CD300LD: variants seen among roughly 807,000 people sequenced by gnomAD.
CD300LD encodes CD300 molecule like family member d.
Under a neutral mutation model 20.3 loss-of-function variants are expected in CD300LD, and 18 were observed. That is an observed-to-expected ratio of 0.89 (90% CI 0.61 to 1.32). The LOEUF is 1.32. Ranked by LOEUF, CD300LD falls within the 40% of genes most tolerant of loss-of-function variation. The pLI, the probability that CD300LD is intolerant of heterozygous loss-of-function variation, is 0.00. For missense variants in CD300LD, 195 were observed against 226.6 expected, an observed-to-expected ratio of 0.86 and a Z score of 0.90; for synonymous variants, 104 against 90.1, an observed-to-expected ratio of 1.15 and a Z score of -0.87.
At position 74,579,911 on chromosome 17, in the gene CD300LD, A is replaced by C. The variant is rs1446732922; in HGVS notation, c.*91T>G. On this transcript the variant is annotated 3_prime_UTR_variant, in exon 4 of 4. Coordinates refer to ENST00000375352, the MANE Select transcript of CD300LD (RefSeq NM_001115152.2). ...AGAAAGAAAAAAAGAAGAGAAAAGAAAATGTTTTTTCTTCTGTGGGAGGGC... is the reference window on the plus strand; with the variant it reads ...AGAAAGAAAAAAAGAAGAGAAAAGACAATGTTTTTTCTTCTGTGGGAGGGC... The C allele has an allele frequency of 8.3e-6, 6 of 726,780 alleles. No individual in the cohort carries two copies. The highest frequency in any genetic ancestry group is 1.8e-5 in the African/African-American group (1 of 55,730). 45.0% of individuals were successfully genotyped at this position (726,780 alleles called of 1,614,324 possible). A position where few individuals can be genotyped will look rare whatever the true frequency, so the allele number is the denominator to read the frequency against.
intron 2 of CD300LD, among the ~76,000 whole-genome samples, chr17:74,583,173 C>A (rs1298938808): frequency 2.0e-5 from 3 of 152,120 alleles, no homozygotes; most frequent in Non-Finnish European, 2.9e-5. Context: ...GTGTTAGGGA[C>A]TGAACTGTGG....
At chr17:74,587,922 G>A (rs1289875813) in intron 2 of CD300LD, among the ~76,000 whole-genome samples, 1 of 151,692 alleles carries the variant, frequency 6.6e-6, no homozygotes, top group African/African-American at 2.4e-5. Context: ...GGGTCATTAA[G>A]AGATCCCCTC....
In CD300LD at chr17:74,588,657, C is replaced by T. The variant is rs2030228388; in HGVS notation, c.233G>A (p.Arg78Gln). 7 of 1,614,160 alleles carry T rather than the reference C, an allele frequency of 4.3e-6. No homozygotes were observed. The highest frequency in any genetic ancestry group is 5.9e-6 in the Non-Finnish European group (7 of 1,180,026). Residue 78 changes from arginine (R) to glutamine (Q), a missense_variant, in exon 2 of 4, where the codon CGA (arginine) becomes CAA (glutamine). By Grantham distance (43) the Arg-to-Gln change is conservative. Coordinates refer to ENST00000375352, the MANE Select transcript of CD300LD (RefSeq NM_001115152.2). ...TTTCTGATTGTCCCTGATGGAAACTCGATTCTTCTTTACCTCCTGCTCTGA... is the reference window on the plus strand; with the variant it reads ...TTTCTGATTGTCCCTGATGGAAACTTGATTCTTCTTTACCTCCTGCTCTGA... ...NGSEQEVKKN[R>Q]VSIRDNQKNH...
At chr17:74,585,327 T>G (rs1210432339) in intron 2 of CD300LD, among the ~76,000 whole-genome samples, 1 of 152,172 alleles carries the variant, frequency 6.6e-6, no homozygotes, top group Non-Finnish European at 1.5e-5. Context: ...TATCTTCTTC[T>G]TATTCTGCTA....
intron 2 of CD300LD, among the ~76,000 whole-genome samples, chr17:74,588,017 A>G (rs1348195776): frequency 6.6e-6 from 1 of 152,178 alleles, no homozygotes; most frequent in African/African-American, 2.4e-5. Context: ...GAATTGAGTC[A>G]TTTATAAGGA....
At chr17:74,591,869 C>T in intron 1 of CD300LD, 2 of 398,510 alleles carry the variant, frequency 5.0e-6, no homozygotes, top group Admixed American at 4.3e-5. Flanking sequence ...TCATTAGTTC[C>T]TTCCTTCATT....
At chr17:74,585,830 A>G (rs1452724406) in intron 2 of CD300LD, among the ~76,000 whole-genome samples, 1 of 152,212 alleles carries the variant, frequency 6.6e-6, no homozygotes, top group Non-Finnish European at 1.5e-5. Flanking sequence ...CTGTGTGCAG[A>G]CCAGGCTAGA....
At position 74,579,914 on chromosome 17, in the gene CD300LD, T is replaced by C. The variant is rs999480346; in HGVS notation, c.*88A>G. Reference sequence around the variant, plus strand: ...AAGAAAAAAAGAAGAGAAAAGAAAATGTTTTTTCTTCTGTGGGAGGGCCTT... The same window carrying C: ...AAGAAAAAAAGAAGAGAAAAGAAAACGTTTTTTCTTCTGTGGGAGGGCCTT... On this transcript the variant is annotated 3_prime_UTR_variant, in exon 4 of 4. Coordinates refer to ENST00000375352, the MANE Select transcript of CD300LD (RefSeq NM_001115152.2). 13 of 732,534 alleles carry C rather than the reference T, an allele frequency of 1.8e-5. No individual in the cohort carries two copies. The highest frequency in any genetic ancestry group is 1.1e-4 in the African/African-American group (6 of 55,686). The allele number at this position is 732,534 out of a possible 1,614,324, so 45.4% of individuals were successfully genotyped here. A position where few individuals can be genotyped will look rare whatever the true frequency, so the allele number is the denominator to read the frequency against.
chr17:74,586,570 C>T (rs928020655), intron 2 of CD300LD, among the ~76,000 whole-genome samples: 1 of 152,126 alleles, frequency 6.6e-6, no homozygotes, highest in Non-Finnish European at 1.5e-5. Flanking sequence ...ATTCCCTGTC[C>T]AGCCCACAGC....
chr17:74,580,490 C>T (rs868645920), intron 3 of CD300LD, among the ~76,000 whole-genome samples: 6 of 152,358 alleles, frequency 3.9e-5, no homozygotes, highest in East Asian at 1.9e-4. Context: ...CCTGTGCAAA[C>T]GCTACCCACC....
intron 2 of CD300LD, 93 bp downstream of exon 2, chr17:74,588,418 C>T: frequency 1.3e-6 from 1 of 791,570 alleles, no homozygotes; most frequent in Non-Finnish European, 2.1e-6. Context: ...TCACAGGTCA[C>T]TCTGAGTGAC....
At chr17:74,589,016 C>T (rs1034983210) in intron 1 of CD300LD, among the ~76,000 whole-genome samples, 167 bp from the exon 2 acceptor site, 5 of 152,228 alleles carry the variant, frequency 3.3e-5, no homozygotes, top group African/African-American at 1.2e-4. Flanking sequence ...GGGTCAAAGT[C>T]ACCAGGAAAA....
intron 2 of CD300LD, among the ~76,000 whole-genome samples, chr17:74,587,479 G>C (rs2030191762): frequency 6.6e-6 from 1 of 152,110 alleles, no homozygotes. Context: ...GATCAGTCTA[G>C]GTAGAGGTTT....
At chr17:74,591,765 A>G (rs2030324013) in intron 1 of CD300LD, among the ~76,000 whole-genome samples, 1 of 150,622 alleles carries the variant, frequency 6.6e-6, no homozygotes, top group Non-Finnish European at 1.5e-5. Flanking sequence ...TTGAAACATC[A>G]TGCTAAGTGA....
intron 1 of CD300LD, among the ~76,000 whole-genome samples, chr17:74,591,294 T>A (rs990405190): frequency 1.0e-5 from 1 of 99,752 alleles, no homozygotes; most frequent in Non-Finnish European, 1.9e-5. Flanking sequence ...AATAATAATC[T>A]ATTTTAAAAG....
chr17:74,583,754 T>G (rs1451436025), intron 2 of CD300LD, among the ~76,000 whole-genome samples: 6 of 144,546 alleles, frequency 4.2e-5, no homozygotes, highest in African/African-American at 1.6e-4. Flanking sequence ...TTTCACTTTT[T>G]TTTTTTTTTT....
chr17:74,590,032 C>T (rs1331142027), intron 1 of CD300LD, among the ~76,000 whole-genome samples: 1 of 152,192 alleles, frequency 6.6e-6, no homozygotes, highest in African/African-American at 2.4e-5. Context: ...TGTCTGTGTC[C>T]TCACCCAAAT....
At chr17:74,581,129 A>G (rs1327826182) in intron 3 of CD300LD, among the ~76,000 whole-genome samples, 1 of 151,784 alleles carries the variant, frequency 6.6e-6, no homozygotes, top group Non-Finnish European at 1.5e-5. Context: ...CCTGACAGCT[A>G]AAGTCCCATC....
chr17:74,581,881 C>G (rs1004826149), intron 3 of CD300LD, among the ~76,000 whole-genome samples: 2 of 152,100 alleles, frequency 1.3e-5, no homozygotes, highest in African/African-American at 4.8e-5. Flanking sequence ...GGCAGGCCAT[C>G]GGAGGTTTGC....
Sources: gnomAD v4.1 joint callset for allele counts (sites outside exome capture counted in the v4.1 genomes callset) on GRCh38, gnomAD v4.1.1 for gene constraint, MANE v1.5 for transcripts, NCBI Gene and HGNC (gene_info 2026-07-23, HGNC 2026-07-21) for gene names.